Variants in KL observed in about 807,000 individuals in gnomAD.
KL encodes the protein alpha-klotho.
A neutral mutation model predicts 84.2 loss-of-function variants in KL; 62 were observed. That is an observed-to-expected ratio of 0.74 (90% confidence interval 0.60 to 0.91). KL has a LOEUF of 0.91. KL is among the 40% of genes least tolerant of loss of function. The pLI is 0.00. For missense variants in KL, 1,261 were observed against 1,305.7 expected (o/e 0.97, Z 0.53); for synonymous variants, 528 against 528.0 (o/e 1.00, Z 0.00).
upstream of KL, chr13:33,016,418 C>T (rs1427642614): frequency 2.1e-6 from 2 of 930,972 alleles, no homozygotes; most frequent in East Asian, 1.2e-4. Context: ...GCGCGGGGCC[C>T]CGGAGCCTGG....
At chr13:33,058,250 A>G (rs1480712868) in intron 3 of KL, among the ~76,000 whole-genome samples, 1 of 152,044 alleles carries the variant, frequency 6.6e-6, no homozygotes, top group African/African-American at 2.4e-5. Context: ...GAAAGGTCCA[A>G]CTTCACTATT....
At chr13:33,058,485 T>C (rs1298282729) in intron 3 of KL, among the ~76,000 whole-genome samples, 5 of 151,742 alleles carry the variant, frequency 3.3e-5, no homozygotes, top group Admixed American at 1.3e-4. Context: ...GGGCTACAGG[T>C]GCCCGCCACC....
chr13:33,060,691 C>G lies in KL; in HGVS notation c.1612C>G (p.Leu538Val), dbSNP rs771696912. ...VDNYIQVDTT[L>V]SQFTDLNVYL... ...CTGCCCTTCACAGGTAGATACCACT[C>G]TGTCTCAGTTTACCGACCTGAATGT... Residue 538 changes from leucine (L) to valine (V), a missense_variant, in exon 4 of 5, where the codon CTG becomes GTG. Physicochemically the swap from Leu to Val is conservative, Grantham distance 32. Transcript: ENST00000380099. 1.9e-6 allele frequency: 3 copies of G among 1,614,240 alleles called. No homozygotes were observed. The East Asian group carries it at 6.7e-5, about 36-fold the overall frequency.
intron 3 of KL, among the ~76,000 whole-genome samples, chr13:33,057,888 A>G (rs1345608984): frequency 6.6e-6 from 1 of 152,224 alleles, no homozygotes; most frequent in Non-Finnish European, 1.5e-5. Context: ...AAGACATTAT[A>G]TTAAAGTCCT....
chr13:33,019,671 G>C (rs1223620528), intron 1 of KL, among the ~76,000 whole-genome samples: 1 of 151,618 alleles, frequency 6.6e-6, no homozygotes, highest in Non-Finnish European at 1.5e-5. Flanking sequence ...GGTGTTCTTT[G>C]TGGGTTCCTC....
Position 33,064,220 on chromosome 13 carries a change from T to A in KL, c.*34T>A, listed in dbSNP as rs772971429. On this transcript the variant is annotated 3_prime_UTR_variant, in exon 5 of 5. Transcript: ENST00000380099. Reference sequence around the variant, plus strand: ...ATTTTTCTATTCATTCATTTTGAAATAATTATGCAGACACATCAGCTGTTA... The same window carrying A: ...ATTTTTCTATTCATTCATTTTGAAAAAATTATGCAGACACATCAGCTGTTA... 2.0e-6 allele frequency: 3 copies of A among 1,479,472 alleles called. No individual in the cohort carries two copies. In the Admixed American group the frequency reaches 5.1e-5, roughly 25 times the overall value. The allele number at this position is 1,479,472 out of a possible 1,614,324, so 91.6% of individuals were successfully genotyped here. A position where few individuals can be genotyped will look rare whatever the true frequency, so the allele number is the denominator to read the frequency against.
Position 33,055,285 on chromosome 13 carries a change from T to G in KL, c.1569T>G (p.Phe523Leu). The change falls in exon 3 of 5, where the codon TTT becomes TTG. Residue 523 changes from phenylalanine to leucine, a missense_variant. By Grantham distance (22) the Phe-to-Leu change is conservative. Coordinates refer to ENST00000380099, the MANE Select transcript of KL (RefSeq NM_004795.4). ...TAGAAGGGACATTTCCCTGTGACTTTGCTTGGGGAGTTGTTGACAACTACA... is the reference window on the plus strand; with the variant it reads ...TAGAAGGGACATTTCCCTGTGACTTGGCTTGGGGAGTTGTTGACAACTACA... ...QPLEGTFPCD[F>L]AWGVVDNYIQ... 6.2e-7 allele frequency: 1 copy of G among 1,614,208 alleles called. No individual in the cohort carries two copies. Among genetic ancestry groups the G allele is most frequent in the Non-Finnish European group, 8.5e-7 (1 of 1,180,022 alleles).
At chr13:33,044,635 A>ATTTTTTTTT (rs1871453892) in intron 1 of KL, among the ~76,000 whole-genome samples, 2 of 72,290 alleles carry the variant, frequency 2.8e-5, no homozygotes, top group Non-Finnish European at 6.1e-5. Context: ...AATGCAATTG[A>ATTTTTTTTT]TTTTCTTTTT....
chr13:33,024,986 T>C (rs1043153181), intron 1 of KL, among the ~76,000 whole-genome samples: 2 of 152,096 alleles, frequency 1.3e-5, no homozygotes, highest in African/African-American at 4.8e-5. Context: ...GTGAGGGGGC[T>C]CCTAACCTAG....
intron 1 of KL, among the ~76,000 whole-genome samples, chr13:33,042,780 C>T (rs1290435523): frequency 6.6e-6 from 1 of 152,144 alleles, no homozygotes; most frequent in South Asian, 2.1e-4. Context: ...CACGTGGGTC[C>T]AAGCGATTCT....
chr13:33,042,221 T>G (rs1003691997), intron 1 of KL, among the ~76,000 whole-genome samples: 3 of 152,166 alleles, frequency 2.0e-5, no homozygotes, highest in Non-Finnish European at 2.9e-5. Context: ...CTATTATATA[T>G]TTATTAATCT....
intron 3 of KL, among the ~76,000 whole-genome samples, chr13:33,059,002 G>A (rs1247269147): frequency 1.3e-5 from 2 of 152,156 alleles, no homozygotes; most frequent in African/African-American, 4.8e-5. Context: ...TTGACATGCT[G>A]TTTTTAATGA....
intron 1 of KL, among the ~76,000 whole-genome samples, chr13:33,017,508 T>G (rs1870415134): frequency 6.6e-6 from 1 of 152,134 alleles, no homozygotes. Flanking sequence ...CGGTGATAGG[T>G]TTCCGCAGTG....
At position 33,061,177 on chromosome 13, in the gene KL, G is replaced by A; in HGVS notation, c.2098G>A (p.Gly700Ser). The A allele has an allele frequency of 6.2e-7, 1 of 1,614,218 alleles. No homozygotes were observed. Among genetic ancestry groups the A allele is most frequent in the Non-Finnish European group, 8.5e-7 (1 of 1,180,044 alleles). Residue 700 changes from glycine to serine, a missense_variant, in exon 4 of 5, where the codon GGC becomes AGC. By Grantham distance (56) the Gly-to-Ser change is moderately conservative. Coordinates refer to ENST00000380099, the MANE Select transcript of KL (RefSeq NM_004795.4). Reference sequence around the variant, plus strand: ...TACAAGGAATATGACATACAGTGCTGGCCACAACCTTCTGAAGGCCCATGC... The same window carrying A: ...TACAAGGAATATGACATACAGTGCTAGCCACAACCTTCTGAAGGCCCATGC... The part of the protein sequence containing the change: ...PYTRNMTYSA[G>S]HNLLKAHALA...
rs1404442061 is a variant in KL at position 33,016,610 on chromosome 13, T to G, written c.170T>G (p.Phe57Cys). 6.5e-7 allele frequency: 1 copy of G among 1,532,342 alleles called. No homozygotes were observed. Among genetic ancestry groups the G allele is most frequent in the Non-Finnish European group, 8.8e-7 (1 of 1,138,354 alleles). 94.9% of individuals were successfully genotyped at this position (1,532,342 alleles called of 1,614,324 possible). ...CCTGCCCCCGAGGCCGCGGGCCTCT[T>G]CCAGGGCACCTTCCCCGACGGCTTC... ...RPPAPEAAGL[F>C]QGTFPDGFLW... The change falls in exon 1 of 5, where the codon TTC becomes TGC. Residue 57 changes from phenylalanine (F) to cysteine (C), a missense_variant. Transcript: ENST00000380099.
At chr13:33,023,328 A>C (rs534835673) in intron 1 of KL, among the ~76,000 whole-genome samples, 4 of 152,336 alleles carry the variant, frequency 2.6e-5, no homozygotes, top group African/African-American at 9.6e-5. Context: ...AAAATACAAA[A>C]AGCTCTACAA....
At chr13:33,043,568 G>A (rs565773820) in intron 1 of KL, among the ~76,000 whole-genome samples, 2 of 152,084 alleles carry the variant, frequency 1.3e-5, no homozygotes, top group South Asian at 2.1e-4. Flanking sequence ...GTGAGTGCTC[G>A]TTGGGGTTTT....
chr13:33,025,743 T>C (rs145167687), intron 1 of KL, among the ~76,000 whole-genome samples: 3 of 152,276 alleles, frequency 2.0e-5, no homozygotes, highest in Non-Finnish European at 2.9e-5. Flanking sequence ...CCGCCCAAGA[T>C]TGCATTAACA....
At chr13:33,041,154 T>C (rs908994298) in intron 1 of KL, among the ~76,000 whole-genome samples, 34 of 152,120 alleles carry the variant, frequency 2.2e-4, no homozygotes, top group Admixed American at 2.1e-3. Context: ...TACATAGTTG[T>C]TTGATTCCAT....
Sources: gnomAD v4.1 joint callset for allele counts (sites outside exome capture counted in the v4.1 genomes callset) on GRCh38, gnomAD v4.1.1 for gene constraint, MANE v1.5 for transcripts, NCBI Gene and HGNC (gene_info 2026-07-23, HGNC 2026-07-21) for gene names.